Variants in NCKAP5 observed in about 807,000 individuals in gnomAD.
The protein encoded by NCKAP5 is NCK associated protein 5, also known as nck-associated protein 5.
In NCKAP5, 92 loss-of-function variants were observed where a neutral mutation model predicts 167.0. The ratio of observed to expected loss-of-function variants is 0.55; its 90% CI spans 0.47 to 0.66. The LOEUF (loss-of-function observed/expected upper bound fraction) is 0.66. Among genes scored for constraint, NCKAP5 ranks in the 30% least tolerant of loss-of-function variants. The pLI is 0.00. For synonymous variants in NCKAP5, 891 were observed against 877.4 expected (o/e 1.02, Z -0.27); for missense variants, 2,378 against 2,315.0 (o/e 1.03, Z -0.56).
intron 4 of NCKAP5, among the ~76,000 whole-genome samples, chr2:133,246,691 G>A (rs578120089): frequency 5.3e-4 from 80 of 152,332 alleles, no homozygotes; most frequent in Admixed American, 1.5e-3. Context: ...ATACCGCGTT[G>A]AAAATAAAAT....
chr2:133,000,046 G>C (rs961808235), intron 6 of NCKAP5, among the ~76,000 whole-genome samples: 1 of 152,068 alleles, frequency 6.6e-6, no homozygotes, highest in East Asian at 1.9e-4. Flanking sequence ...ACTTAATAAT[G>C]AAATTAACCA....
At chr2:132,972,285 G>A (rs2076857591) in intron 7 of NCKAP5, among the ~76,000 whole-genome samples, 1 of 152,228 alleles carries the variant, frequency 6.6e-6, no homozygotes, top group East Asian at 1.9e-4. Flanking sequence ...TCTTATGATT[G>A]TTCCTTTTCA....
intron 3 of NCKAP5, among the ~76,000 whole-genome samples, chr2:133,508,563 G>A (rs1438499800): frequency 1.3e-5 from 2 of 152,140 alleles, no homozygotes; most frequent in East Asian, 1.9e-4. Context: ...TGAGAAACTC[G>A]AAAAAGAAGA....
chr2:132,894,795 G>A (rs944348533), intron 8 of NCKAP5, among the ~76,000 whole-genome samples: 6 of 152,208 alleles, frequency 3.9e-5, no homozygotes, highest in Admixed American at 2.6e-4. Context: ...GCCGCCCTCC[G>A]CCCTGCTCCC....
chr2:133,036,830 A>T (rs1299993272), intron 6 of NCKAP5, among the ~76,000 whole-genome samples: 1 of 152,054 alleles, frequency 6.6e-6, no homozygotes, highest in African/African-American at 2.4e-5. Flanking sequence ...GCAATCAGAC[A>T]AGAGAAAAAC....
chr2:133,549,327 T>C (rs1279761677), intron 2 of NCKAP5, among the ~76,000 whole-genome samples: 2 of 151,166 alleles, frequency 1.3e-5, no homozygotes, highest in Admixed American at 6.6e-5. Context: ...TATTCCAAAA[T>C]TGACCACATA....
chr2:133,456,922 G>A (rs1322131016), intron 3 of NCKAP5, among the ~76,000 whole-genome samples: 1 of 152,118 alleles, frequency 6.6e-6, no homozygotes, highest in African/African-American at 2.4e-5. Flanking sequence ...TGTCGGACAC[G>A]TCATAGGTGT....
rs899704149 is a variant in NCKAP5 at position 132,816,758 on chromosome 2, C to T, written c.808-20029G>A. Among the ~76,000 whole-genome samples the T allele has an allele frequency of 4.6e-5, 7 of 152,262 alleles. No homozygotes were observed. The South Asian group carries it at 1.2e-3, about 27-fold the overall frequency. The stretch of plus-strand genomic sequence containing the variant: ...CCCTAATATGACACGGAGCTATGGA[C>T]CAGCTCTTAGCAAAACCCCTGAGCA... On this transcript the variant is annotated intron_variant, in intron 11 of 19. Transcript: ENST00000409261.
chr2:132,752,168 A>T (rs1376243940), intron 16 of NCKAP5, among the ~76,000 whole-genome samples: 1 of 152,236 alleles, frequency 6.6e-6, no homozygotes, highest in African/African-American at 2.4e-5. Context: ...ATAGGTACCC[A>T]TAACTGCATA....
chr2:133,603,840 A>T, the NCKAP5 span, among the ~76,000 whole-genome samples: 1 of 152,170 alleles, frequency 6.6e-6, no homozygotes, highest in Non-Finnish European at 1.5e-5. Flanking sequence ...CCCAGCCGGC[A>T]TGAGGGATTT....
chr2:132,682,392 C>G (rs1685346057), intron 19 of NCKAP5, among the ~76,000 whole-genome samples: 1 of 151,928 alleles, frequency 6.6e-6, no homozygotes, highest in Non-Finnish European at 1.5e-5. Flanking sequence ...GGGGAGTCTG[C>G]TGTTCCTGCC....
rs912998186 is a variant in NCKAP5 at position 133,042,622 on chromosome 2, A to G, written c.342-48383T>C. ...ATTTGTATTCATAATAGAAATAGCT[A>G]CTCTATAAACTGATCTAGATGTTGT... On this transcript the variant is annotated intron_variant, in intron 6 of 19. Coordinates refer to ENST00000409261, the MANE Select transcript of NCKAP5 (RefSeq NM_207363.3). 2.6e-5 allele frequency among the ~76,000 whole-genome samples: 4 copies of G among 152,174 alleles called. No homozygotes were observed. The East Asian group carries it at 7.7e-4, about 29-fold the overall frequency.
intron 19 of NCKAP5, among the ~76,000 whole-genome samples, chr2:132,712,234 C>T (rs1411242090): frequency 6.6e-6 from 1 of 152,214 alleles, no homozygotes; most frequent in East Asian, 1.9e-4. Flanking sequence ...CCCTGATTTG[C>T]TCACTTGCCC....
rs373549422 is a variant in NCKAP5, at chr2:132,782,870, C to T, written c.3941G>A (p.Arg1314Gln). The change falls in exon 14 of 20, where the codon CGG becomes CAG. Residue 1314 changes from arginine (R) to glutamine (Q), a missense_variant. Around this residue, in one of 3 missense-constraint regions of NCKAP5, gnomAD observed 1,325 missense variants for 1,274.5 expected, o/e 1.04. Transcript: ENST00000409261. ...AGAGCTTTCCGTGGAAGAGTTCTGCCGGGTAAGAGAATTGCCTCTCTCGGC... is the reference window on the plus strand; with the variant it reads ...AGAGCTTTCCGTGGAAGAGTTCTGCTGGGTAAGAGAATTGCCTCTCTCGGC... ...NTAERGNSLT[R>Q]QNSSTESSPN... 44 of 1,613,592 alleles carry T rather than the reference C, an allele frequency of 2.7e-5. No homozygotes were observed. Among genetic ancestry groups the T allele is most frequent in the African/African-American group, 5.3e-5 (4 of 74,828 alleles).
intron 2 of NCKAP5, among the ~76,000 whole-genome samples, chr2:133,531,484 C>CT (rs1254485587): frequency 1.3e-5 from 2 of 150,246 alleles, no homozygotes; most frequent in East Asian, 4.2e-4. Flanking sequence ...TCTGAGCACT[C>CT]TTTCTGGTTC....
At chr2:133,557,537 C>T (rs1687827526) in intron 2 of NCKAP5, among the ~76,000 whole-genome samples, 1 of 152,170 alleles carries the variant, frequency 6.6e-6, no homozygotes, top group African/African-American at 2.4e-5. Flanking sequence ...TCTTACCAAG[C>T]CTGTTGAGGA....
intron 8 of NCKAP5, among the ~76,000 whole-genome samples, chr2:132,948,648 C>T (rs73956086): frequency 0.11 from 16,403 of 152,130 alleles, 913 homozygotes; most frequent in South Asian, 0.18. Flanking sequence ...CACCACCCTC[C>T]AAGCCCCTTA....
At chr2:133,400,512 T>G (rs114428098) in intron 3 of NCKAP5, among the ~76,000 whole-genome samples, 1 of 151,952 alleles carries the variant, frequency 6.6e-6, no homozygotes, top group African/African-American at 2.4e-5. Context: ...AAGATGACCA[T>G]GTGGGGATGG....
rs906424682 is a variant in NCKAP5, at chr2:133,108,838, C to A, written c.341+21140G>T. On this transcript the variant is annotated intron_variant, in intron 6 of 19. Transcript: ENST00000409261. ...CACTTAGCATAGAGTCCTCTAGCCT[C>A]ATCCATGTTGTCACAAGTGGGAGGA... is the stretch of plus-strand genomic sequence containing the variant. 3.3e-5 allele frequency among the ~76,000 whole-genome samples: 5 copies of A among 152,344 alleles called. No homozygotes were observed. The Middle Eastern group carries it at 0.014, about 415-fold the overall frequency.
Sources: gnomAD v4.1 joint callset for allele counts (sites outside exome capture counted in the v4.1 genomes callset) on GRCh38, gnomAD v4.1.1 for gene constraint, gnomAD v4.1.1 regional missense constraint, MANE v1.5 for transcripts, NCBI Gene and HGNC (gene_info 2026-07-23, HGNC 2026-07-21) for gene names.